Variants in PTPRQ observed in about 807,000 individuals in gnomAD.
The protein encoded by PTPRQ is phosphatidylinositol phosphatase PTPRQ.
A neutral mutation model predicts 246.0 loss-of-function variants in PTPRQ; 199 were observed. The ratio of observed to expected loss-of-function variants is 0.81; its 90% CI spans 0.72 to 0.91. PTPRQ has a LOEUF of 0.91. Ranked by LOEUF, PTPRQ falls within the 40% of genes least tolerant of loss-of-function variation. The probability of loss-of-function intolerance (pLI) is 0.00; values close to 1 mark genes in which losing one functional copy is unlikely to be tolerated. For missense variants in PTPRQ, 2,624 were observed against 2,528.4 expected, an observed-to-expected ratio of 1.04 and a Z score of -0.81; for synonymous variants, 869 against 853.2, an observed-to-expected ratio of 1.02 and a Z score of -0.32.
At chr12:80,645,837 G>T (rs1245174803) in intron 35 of PTPRQ, among the ~76,000 whole-genome samples, 3 of 152,048 alleles carry the variant, frequency 2.0e-5, no homozygotes, top group Non-Finnish European at 4.4e-5. Flanking sequence ...TATCTGGAGT[G>T]CAAACAGGAT....
intron 8 of PTPRQ, among the ~76,000 whole-genome samples, chr12:80,481,401 A>C (rs143838692): frequency 0.066 from 10,068 of 152,164 alleles, 865 homozygotes; most frequent in African/African-American, 0.19. Context: ...ATCCATGACA[A>C]ACCCACAGCC....
chr12:80,532,697 G>A (rs1895879363), intron 17 of PTPRQ, among the ~76,000 whole-genome samples: 1 of 152,154 alleles, frequency 6.6e-6, no homozygotes, highest in African/African-American at 2.4e-5. Flanking sequence ...TCTCAATGGA[G>A]TCAAAGAAAA....
Position 80,549,546 on chromosome 12 carries a change from C to T in PTPRQ, c.4097C>T (p.Ala1366Val), listed in dbSNP as rs1053189425. ...VLVKWDPPKK[A>V]NGIITQYMVT... ...GTGAAATGGGATCCACCCAAAAAGG[C>T]AAATGGAATAATAACGCAGTATATG... Residue 1366 changes from alanine to valine, a missense_variant, in exon 25 of 45, where the codon GCA (alanine) becomes GTA (valine). Ala to Val is a moderately conservative substitution (Grantham distance 64). Coordinates refer to ENST00000644991, the MANE Select transcript of PTPRQ (RefSeq NM_001145026.2). The T allele has an allele frequency of 3.9e-6, 6 of 1,550,944 alleles. No homozygotes were observed. Among genetic ancestry groups the T allele is most frequent in the Non-Finnish European group, 5.2e-6 (6 of 1,146,560 alleles).
chr12:80,532,466 C>G (rs1195988865), intron 17 of PTPRQ, among the ~76,000 whole-genome samples: 1 of 152,124 alleles, frequency 6.6e-6, no homozygotes, highest in East Asian at 1.9e-4. Flanking sequence ...AGTGATCCAA[C>G]CGCCTTGGTC....
At chr12:80,665,782 T>A (rs1347948297) in intron 39 of PTPRQ, among the ~76,000 whole-genome samples, 2 of 151,808 alleles carry the variant, frequency 1.3e-5, no homozygotes, top group African/African-American at 4.8e-5. Flanking sequence ...AATGGGCAAA[T>A]GAGCTGAATG....
At chr12:80,597,864 C>G (rs972327777) in intron 26 of PTPRQ, among the ~76,000 whole-genome samples, 8 of 152,040 alleles carry the variant, frequency 5.3e-5, no homozygotes, top group African/African-American at 1.9e-4. Context: ...CCTGGAGACA[C>G]ATTTTGAGGA....
Position 80,541,695 on chromosome 12 carries a change from G to A in PTPRQ, c.3295G>A (p.Val1099Met), listed in dbSNP as rs1896158836. Residue 1099 changes from valine (V) to methionine (M), a missense_variant, in exon 21 of 45, where the codon GTG becomes ATG. Coordinates refer to ENST00000644991, the MANE Select transcript of PTPRQ (RefSeq NM_001145026.2). The part of the protein sequence containing the change: ...SLILQQTPRH[V>M]RPPLVTYERS... The stretch of plus-strand genomic sequence containing the variant: ...GATCTTACAGCAGACTCCTCGCCAT[G>A]TGAGACCACCTCTTGTTACATATGA... The A allele has an allele frequency of 1.3e-6, 2 of 1,551,222 alleles. No individual in the cohort carries two copies. Among genetic ancestry groups the A allele is most frequent in the South Asian group, 1.2e-5 (1 of 84,058 alleles).
chr12:80,593,573 A>G (rs562944021), intron 26 of PTPRQ: 1 of 152,320 alleles, frequency 6.6e-6, no homozygotes, highest in East Asian at 1.9e-4. Context: ...TTTGTTCTCA[A>G]CTAATCCGTA....
intron 31 of PTPRQ, among the ~76,000 whole-genome samples, chr12:80,619,879 T>A (rs546515208): frequency 6.6e-6 from 1 of 151,700 alleles, no homozygotes; most frequent in East Asian, 1.9e-4. Context: ...GGAATCTTGA[T>A]AGCTTCTTTG....
chr12:80,578,529 T>C (rs569047720), intron 25 of PTPRQ, among the ~76,000 whole-genome samples: 14 of 151,946 alleles, frequency 9.2e-5, no homozygotes, highest in Admixed American at 8.5e-4. Flanking sequence ...TAGCTGGGGC[T>C]GCAGGCGCCT....
intron 39 of PTPRQ, among the ~76,000 whole-genome samples, chr12:80,664,565 A>G (rs1224568092): frequency 1.3e-5 from 2 of 152,014 alleles, no homozygotes; most frequent in African/African-American, 4.8e-5. Context: ...TTCTTACATC[A>G]TAAAAATATC....
chr12:80,566,902 G>A (rs1375725608), intron 25 of PTPRQ, among the ~76,000 whole-genome samples: 2 of 152,162 alleles, frequency 1.3e-5, no homozygotes, highest in Non-Finnish European at 2.9e-5. Flanking sequence ...CTACATTAAT[G>A]ATATTTGTTG....
In PTPRQ at chr12:80,678,987, T is replaced by C. The variant is rs1298670015; in HGVS notation, c.6864T>C (p.Gly2288=). 1 of 1,546,386 alleles carries C rather than the reference T, an allele frequency of 6.5e-7. No individual in the cohort carries two copies. Among genetic ancestry groups the C allele is most frequent in the Non-Finnish European group, 8.7e-7 (1 of 1,144,734 alleles). ...QKMDSLDAME[G]DVELEWEETT... ...GTAACATGTTACTTTCTGTTATAGGTGATGTTGAGCTTGAATGGGAAGAAA... is the reference window on the plus strand; with the variant it reads ...GTAACATGTTACTTTCTGTTATAGGCGATGTTGAGCTTGAATGGGAAGAAA... The change falls in exon 45 of 45, where the codon GGT becomes GGC. Residue 2288 remains glycine, a splice_region_variant and synonymous_variant. Transcript: ENST00000644991.
intron 39 of PTPRQ, among the ~76,000 whole-genome samples, chr12:80,663,696 C>T (rs1361464206): frequency 6.6e-6 from 1 of 151,944 alleles, no homozygotes; most frequent in Non-Finnish European, 1.5e-5. Flanking sequence ...CTGCTCATCA[C>T]TTTCTGGACC....
intron 9 of PTPRQ, among the ~76,000 whole-genome samples, chr12:80,487,201 T>C (rs1894305167): frequency 6.6e-6 from 1 of 152,116 alleles, no homozygotes; most frequent in Admixed American, 6.6e-5. Flanking sequence ...CAGGGCTCAT[T>C]ACATCTAAAT....
At chr12:80,558,735 A>G (rs1003779680) in intron 25 of PTPRQ, among the ~76,000 whole-genome samples, 21 of 152,186 alleles carry the variant, frequency 1.4e-4, no homozygotes, top group Admixed American at 1.4e-3. Flanking sequence ...GTACCCCTTT[A>G]AATTCACACC....
intron 6 of PTPRQ, among the ~76,000 whole-genome samples, chr12:80,467,575 T>A (rs201066307): frequency 1.3e-5 from 2 of 152,120 alleles, no homozygotes; most frequent in African/African-American, 4.8e-5. Context: ...TATTGCGGCA[T>A]TATTCACAAT....
At chr12:80,491,707 C>T (rs948130969) in intron 9 of PTPRQ, among the ~76,000 whole-genome samples, 8 of 151,892 alleles carry the variant, frequency 5.3e-5, no homozygotes, top group African/African-American at 1.9e-4. Context: ...AGTAACTTGC[C>T]ATTGTAGATA....
At position 80,487,657 on chromosome 12, in the gene PTPRQ, A is replaced by G. The variant is rs117556513; in HGVS notation, c.1359+3052A>G. On this transcript the variant is annotated intron_variant, in intron 9 of 44. Coordinates refer to ENST00000644991, the MANE Select transcript of PTPRQ (RefSeq NM_001145026.2). ...TGACTTAGATCCTACTTAGCATTCA[A>G]TAGCCACTTAATGTTAAGGTCAGTT... is the stretch of plus-strand genomic sequence containing the variant. 7.8e-3 allele frequency among the ~76,000 whole-genome samples: 1,192 copies of G among 152,230 alleles called. 11 individuals are homozygous for G. Among genetic ancestry groups the G allele is most frequent in the Middle Eastern group, 0.014 (4 of 294 alleles).
Sources: allele counts gnomAD v4.1 joint callset (sites outside exome capture counted in the v4.1 genomes callset), GRCh38; gene constraint gnomAD v4.1.1; transcripts MANE v1.5; gene names NCBI Gene and HGNC (gene_info 2026-07-23, HGNC 2026-07-21).